The following WWC1 variants were observed in gnomAD, a reference collection of about 807,000 sequenced individuals.
The protein encoded by WWC1 is WW and C2 domain containing 1, also known as protein KIBRA.
In WWC1, 55 loss-of-function variants were observed where a neutral mutation model predicts 138.4. The ratio of observed to expected loss-of-function variants is 0.40; its 90% CI spans 0.32 to 0.50. The LOEUF (loss-of-function observed/expected upper bound fraction) is 0.50. Among genes scored for constraint, WWC1 ranks in the 20% least tolerant of loss-of-function variants. The pLI is 0.72. For synonymous variants in WWC1, 524 were observed against 564.9 expected, an observed-to-expected ratio of 0.93 and a Z score of 1.03; for missense variants, 1,226 against 1,420.4, an observed-to-expected ratio of 0.86 and a Z score of 2.20.
chr5:168,408,003 C>T (rs932179821), intron 6 of WWC1, among the ~76,000 whole-genome samples: 1 of 149,936 alleles, frequency 6.7e-6, no homozygotes, highest in Non-Finnish European at 1.5e-5. Flanking sequence ...GTTGGAACTA[C>T]AGACATGCAC....
intron 2 of WWC1, among the ~76,000 whole-genome samples, chr5:168,384,602 G>T (rs1218946085): frequency 6.6e-6 from 1 of 151,852 alleles, no homozygotes; most frequent in Non-Finnish European, 1.5e-5. Context: ...ATTACCTTGA[G>T]CATCTCTAAT....
intron 5 of WWC1, among the ~76,000 whole-genome samples, chr5:168,400,863 G>A (rs1344919746): frequency 1.6e-5 from 2 of 125,770 alleles, no homozygotes; most frequent in East Asian, 5.6e-4. Flanking sequence ...GGAGAGGAAG[G>A]AAAGAAGGGA....
At chr5:168,407,360 G>A (rs953935339) in intron 6 of WWC1, among the ~76,000 whole-genome samples, 3 of 152,182 alleles carry the variant, frequency 2.0e-5, no homozygotes, top group Admixed American at 1.3e-4. Context: ...AGCTAGAGCG[G>A]TGATTCAAAC....
At chr5:168,420,171 A>G (rs911671170) in intron 9 of WWC1, among the ~76,000 whole-genome samples, 3 of 152,170 alleles carry the variant, frequency 2.0e-5, no homozygotes, top group Admixed American at 6.5e-5. Context: ...TAGGGCTGCC[A>G]TAACAACGTA....
intron 1 of WWC1, among the ~76,000 whole-genome samples, chr5:168,312,593 A>G (rs1381574918): frequency 1.3e-5 from 2 of 152,258 alleles, no homozygotes; most frequent in Non-Finnish European, 2.9e-5. Context: ...GTATCACAGC[A>G]TTAGTTTGCA....
chr5:168,380,955 G>A (rs749319399), intron 2 of WWC1, among the ~76,000 whole-genome samples: 1 of 152,106 alleles, frequency 6.6e-6, no homozygotes, highest in Non-Finnish European at 1.5e-5. Context: ...TGGGAGAGGG[G>A]GTGAGTAGAG....
chr5:168,337,168 T>G (rs1773547542), intron 1 of WWC1, among the ~76,000 whole-genome samples: 1 of 152,146 alleles, frequency 6.6e-6, no homozygotes, highest in African/African-American at 2.4e-5. Flanking sequence ...GTTGGGGTCC[T>G]GCAATCATTG....
intron 1 of WWC1, among the ~76,000 whole-genome samples, chr5:168,348,322 CCT>C (rs1000499520): frequency 5.3e-5 from 8 of 152,192 alleles, no homozygotes; most frequent in Non-Finnish European, 8.8e-5. Flanking sequence ...TCACCCTCAC[CCT>C]CTCTACTGTT....
intron 1 of WWC1, among the ~76,000 whole-genome samples, chr5:168,346,452 C>T (rs1178471704): frequency 6.6e-6 from 1 of 152,166 alleles, no homozygotes; most frequent in South Asian, 2.1e-4. Context: ...TCAAGAGACC[C>T]TCAGAAAATC....
chr5:168,394,595 A>G (rs1423749831), intron 3 of WWC1, among the ~76,000 whole-genome samples: 2 of 152,134 alleles, frequency 1.3e-5, no homozygotes, highest in African/African-American at 4.8e-5. Context: ...GCGTGGTGGC[A>G]GGTGCCTGTA....
At position 168,310,022 on chromosome 5, in the gene WWC1, C is replaced by T. The variant is rs963908896; in HGVS notation, c.119+17751C>T. Among the ~76,000 whole-genome samples, 7 of 152,194 alleles carry T rather than the reference C, an allele frequency of 4.6e-5. No homozygotes were observed. The South Asian group carries it at 1.4e-3, about 31-fold the overall frequency. On this transcript the variant is annotated intron_variant, in intron 1 of 22. Transcript: ENST00000265293. ...CAGTCTAACACAACCCAGCGCTGAC[C>T]AGCCCTCCCCCTTCCCTGTCCCCTT...
chr5:168,463,498 C>T (rs992578303), intron 20 of WWC1, among the ~76,000 whole-genome samples: 2 of 152,096 alleles, frequency 1.3e-5, no homozygotes, highest in South Asian at 2.1e-4. Context: ...CCCAGGCCAT[C>T]TTTTAGGGGC....
At chr5:168,372,035 G>C (rs62384064) in intron 2 of WWC1, among the ~76,000 whole-genome samples, 1 of 119,840 alleles carries the variant, frequency 8.3e-6, no homozygotes, top group Admixed American at 8.6e-5. Context: ...GAGAGAGAGA[G>C]AGAGAGAAAG....
Position 168,469,001 on chromosome 5 carries a change from C to T in WWC1, c.3326C>T (p.Ser1109Phe). The change falls in exon 23 of 23, where the codon TCT (serine) becomes TTT (phenylalanine). Residue 1109 changes from serine (S) to phenylalanine (F), a missense_variant. Physicochemically the swap from Ser to Phe is radical, Grantham distance 155. Coordinates refer to ENST00000265293, the MANE Select transcript of WWC1 (RefSeq NM_015238.3). ...CCTCGGATGAATATCCCAGCTCTCT[C>T]TGCAGATGACGTCTAATCGCCAGAA... ...TRPRMNIPAL[S>F]ADDV The T allele has an allele frequency of 6.2e-7, 1 of 1,614,238 alleles. No individual in the cohort carries two copies. The highest frequency in any genetic ancestry group is 8.5e-7 in the Non-Finnish European group (1 of 1,180,044).
At position 168,292,300 on chromosome 5, in the gene WWC1, C is replaced by T; in HGVS notation, c.119+29C>T. 6.4e-7 allele frequency: 1 copy of T among 1,564,914 alleles called. No individual in the cohort carries two copies. Among genetic ancestry groups the T allele is most frequent in the African/African-American group, 1.4e-5 (1 of 73,518 alleles). On this transcript the variant is annotated intron_variant, in intron 1 of 22. Transcript: ENST00000265293. The surrounding 1 kb of genome is among the most constrained non-coding windows in gnomAD (Gnocchi z 4.4). ...GGACCCTGGAACCCTCCTCCGTGCC[C>T]CCACACCCCCGCCTGGGCCCCCACC...
At chr5:168,378,959 A>C (rs1344308491) in intron 2 of WWC1, among the ~76,000 whole-genome samples, 1 of 152,086 alleles carries the variant, frequency 6.6e-6, no homozygotes, top group Non-Finnish European at 1.5e-5. Context: ...TGGCAAGTGT[A>C]GGAAGGGATG....
At chr5:168,341,813 G>A (rs1206137127) in intron 1 of WWC1, among the ~76,000 whole-genome samples, 3 of 152,144 alleles carry the variant, frequency 2.0e-5, no homozygotes. Context: ...CCATGAAAAG[G>A]ACCTGGTGAT....
At chr5:168,380,244 G>T (rs1320883177) in intron 2 of WWC1, among the ~76,000 whole-genome samples, 2 of 152,054 alleles carry the variant, frequency 1.3e-5, no homozygotes, top group Non-Finnish European at 2.9e-5. Context: ...GGGAGTTCAC[G>T]ACCAGCCATA....
intron 1 of WWC1, among the ~76,000 whole-genome samples, chr5:168,367,407 C>T (rs1200717327): frequency 1.3e-5 from 2 of 151,952 alleles, no homozygotes; most frequent in South Asian, 4.2e-4. Flanking sequence ...TCTCGGCTCA[C>T]TGCAAGCTCC....
Sources: gnomAD v4.1 joint callset for allele counts (sites outside exome capture counted in the v4.1 genomes callset) on GRCh38, gnomAD v4.1.1 for gene constraint, Gnocchi (gnomAD v3.1) non-coding constraint, MANE v1.5 for transcripts, NCBI Gene and HGNC (gene_info 2026-07-23, HGNC 2026-07-21) for gene names.